UST: variants seen among roughly 807,000 people sequenced by gnomAD.
UST encodes chondroitin sulfate 2-O-sulfotransferase.
UST carries 21 observed loss-of-function variants against 45.6 expected under a neutral mutation model. The observed-to-expected ratio is 0.46, with a 90% CI of 0.33 to 0.66. The LOEUF is 0.66. Among genes scored for constraint, UST ranks in the 30% least tolerant of loss-of-function variants. UST has a pLI of 0.02. For synonymous variants in UST, 215 were observed against 200.6 expected (o/e 1.07, Z -0.61); for missense variants, 463 against 512.4 (o/e 0.90, Z 0.93).
intron 5 of UST, among the ~76,000 whole-genome samples, chr6:149,017,799 T>TATATATACACACAC (rs956279478): frequency 6.7e-6 from 1 of 148,810 alleles, no homozygotes; most frequent in African/African-American, 2.5e-5. Flanking sequence ...TATCCATATA[T>TATATATACACACAC]ACACACACAC....
intron 5 of UST, among the ~76,000 whole-genome samples, chr6:148,986,517 A>G (rs1781239499): frequency 6.6e-6 from 1 of 152,166 alleles, no homozygotes; most frequent in East Asian, 1.9e-4. Context: ...ATTTGGCCAT[A>G]TAGGAGTATT....
At chr6:148,806,381 C>T (rs570989147) in intron 1 of UST, among the ~76,000 whole-genome samples, 2 of 152,268 alleles carry the variant, frequency 1.3e-5, no homozygotes, top group South Asian at 2.1e-4. Flanking sequence ...CTCTGTCACC[C>T]AGGCTGGAGT....
chr6:149,004,862 G>A (rs1343742), intron 5 of UST, among the ~76,000 whole-genome samples: 43,448 of 151,926 alleles, frequency 0.29, 6,342 homozygotes, highest in African/African-American at 0.35. Context: ...GAGACAGAGT[G>A]TCACTCTGTT....
At chr6:148,782,105 C>T (rs1776654563) in intron 1 of UST, among the ~76,000 whole-genome samples, 1 of 152,026 alleles carries the variant, frequency 6.6e-6, no homozygotes, top group African/African-American at 2.4e-5. Flanking sequence ...TTTTTTGAAA[C>T]TCAGCTCTGT....
At chr6:148,761,322 C>T (rs1776214307) in intron 1 of UST, among the ~76,000 whole-genome samples, 1 of 152,142 alleles carries the variant, frequency 6.6e-6, no homozygotes, top group Non-Finnish European at 1.5e-5. Flanking sequence ...CTCCATCTAC[C>T]ACACTGCCAA....
intron 1 of UST, among the ~76,000 whole-genome samples, chr6:148,877,742 G>C (rs1179018923): frequency 7.0e-6 from 1 of 142,310 alleles, no homozygotes; most frequent in Non-Finnish European, 1.5e-5. Flanking sequence ...ATGAGTGCAG[G>C]GGGTCGTGTA....
At chr6:148,988,567 C>G (rs1208734637) in intron 5 of UST, among the ~76,000 whole-genome samples, 2 of 103,092 alleles carry the variant, frequency 1.9e-5, no homozygotes, top group Admixed American at 2.2e-4. Context: ...GAGAAAGACC[C>G]TGTCTCAAAA....
intron 7 of UST, among the ~76,000 whole-genome samples, chr6:149,064,736 C>G (rs924239086): frequency 6.6e-6 from 1 of 152,164 alleles, no homozygotes; most frequent in Non-Finnish European, 1.5e-5. Flanking sequence ...AAGAATGAAC[C>G]GGCATTTAGA....
At chr6:148,996,951 G>T (rs1781464758) in intron 5 of UST, among the ~76,000 whole-genome samples, 1 of 152,138 alleles carries the variant, frequency 6.6e-6, no homozygotes, top group South Asian at 2.1e-4. Context: ...TTAGATTCAG[G>T]TTGTATATGT....
chr6:148,919,663 G>C (rs1243203030), intron 2 of UST, among the ~76,000 whole-genome samples: 1 of 152,208 alleles, frequency 6.6e-6, no homozygotes, highest in Non-Finnish European at 1.5e-5. Flanking sequence ...TCTGAAAACT[G>C]TTATTCAGTG....
chr6:148,823,431 T>G (rs1389314399), intron 1 of UST, among the ~76,000 whole-genome samples: 2 of 152,208 alleles, frequency 1.3e-5, no homozygotes, highest in Non-Finnish European at 2.9e-5. Flanking sequence ...GTAATCTGAT[T>G]GCCTCCAGAG....
chr6:148,969,081 C>T (rs531912369), intron 5 of UST, among the ~76,000 whole-genome samples: 107 of 152,320 alleles, frequency 7.0e-4, no homozygotes, highest in African/African-American at 2.5e-3. Flanking sequence ...GAAAGCTATG[C>T]ATTTTAATCT....
chr6:148,820,528 T>G (rs539846618), intron 1 of UST, among the ~76,000 whole-genome samples: 1 of 152,210 alleles, frequency 6.6e-6, no homozygotes, highest in South Asian at 2.1e-4. Context: ...AACTCTACTA[T>G]TGAATGCATA....
intron 5 of UST, among the ~76,000 whole-genome samples, chr6:148,970,833 T>A (rs1232291946): frequency 2.0e-5 from 3 of 152,114 alleles, no homozygotes; most frequent in African/African-American, 7.2e-5. Context: ...CCATCTCATT[T>A]CTCTAGCCCA....
intron 1 of UST, among the ~76,000 whole-genome samples, chr6:148,778,069 G>A (rs1290929298): frequency 6.6e-6 from 1 of 152,150 alleles, no homozygotes; most frequent in Non-Finnish European, 1.5e-5. Flanking sequence ...TTCTCAGAAT[G>A]TGTCCCCATT....
chr6:148,830,990 C>T lies in UST; in HGVS notation c.248-55996C>T, dbSNP rs1025865539. On this transcript the variant is annotated intron_variant, in intron 1 of 7. Coordinates refer to ENST00000367463, the MANE Select transcript of UST (RefSeq NM_005715.3). ...CACAGTAAAATTCTGCTTTCATCAC[C>T]GTTGCTTGAAAGAAAAGAAATTTTT... Among the ~76,000 whole-genome samples the T allele has an allele frequency of 1.7e-4, 24 of 144,180 alleles. 1 individual carries two copies. The highest frequency in any genetic ancestry group is 1.2e-3 in the Admixed American group (17 of 14,124). 94.6% of individuals were successfully genotyped at this position (144,180 alleles called of 152,430 possible).
At chr6:148,876,224 A>G (rs932110663) in intron 1 of UST, among the ~76,000 whole-genome samples, 1 of 152,010 alleles carries the variant, frequency 6.6e-6, no homozygotes, top group Non-Finnish European at 1.5e-5. Flanking sequence ...AGTGCCACAC[A>G]CTTTTAAACA....
At chr6:149,058,345 A>ATGTGTGTGTG (rs56994081) in intron 7 of UST, among the ~76,000 whole-genome samples, 28 of 119,816 alleles carry the variant, frequency 2.3e-4, no homozygotes, top group African/African-American at 7.1e-4. Flanking sequence ...AAGGAGGAGC[A>ATGTGTGTGTG]TGTGTGTGTG....
intron 2 of UST, among the ~76,000 whole-genome samples, chr6:148,901,555 C>CTTTT (rs11438263): frequency 1.5e-5 from 2 of 130,352 alleles, no homozygotes; most frequent in Admixed American, 7.8e-5. Flanking sequence ...ACCCGTGTCA[C>CTTTT]TTTTTTTTTT....
Sources: allele counts gnomAD v4.1 joint callset (sites outside exome capture counted in the v4.1 genomes callset), GRCh38; gene constraint gnomAD v4.1.1; transcripts MANE v1.5; gene names NCBI Gene and HGNC (gene_info 2026-07-23, HGNC 2026-07-21).